The following NDST3 variants were observed in gnomAD, a reference collection of about 807,000 sequenced individuals.
The protein encoded by NDST3 is bifunctional heparan sulfate N-deacetylase/N-sulfotransferase 3.
Under a neutral mutation model 96.1 loss-of-function variants are expected in NDST3, and 58 were observed. That is an observed-to-expected ratio of 0.60 (90% CI 0.49 to 0.75). NDST3 has a LOEUF of 0.75. NDST3 is among the 30% of genes least tolerant of loss of function. NDST3 has a pLI of 0.00. For synonymous variants in NDST3, 333 were observed against 359.7 expected (o/e 0.93, Z 0.84); for missense variants, 788 against 1,034.2 (o/e 0.76, Z 3.27).
At chr4:118,049,208 G>A (rs535007967) in intron 1 of NDST3, among the ~76,000 whole-genome samples, 33 of 152,058 alleles carry the variant, frequency 2.2e-4, no homozygotes, top group African/African-American at 7.7e-4. Context: ...AAAATCTCTG[G>A]GATGCAGCTA....
At chr4:118,153,737 T>C (rs1374023877) in intron 6 of NDST3, among the ~76,000 whole-genome samples, 1 of 152,040 alleles carries the variant, frequency 6.6e-6, no homozygotes, top group Non-Finnish European at 1.5e-5. Flanking sequence ...GGCAGGAGAA[T>C]TGCTTGAACC....
At chr4:118,079,998 C>T (rs1308896801) in intron 2 of NDST3, among the ~76,000 whole-genome samples, 1 of 152,168 alleles carries the variant, frequency 6.6e-6, no homozygotes, top group Non-Finnish European at 1.5e-5. Flanking sequence ...AGAGACTGTA[C>T]TGCAGTAGTT....
chr4:118,175,671 C>T (rs1201656160), intron 6 of NDST3, among the ~76,000 whole-genome samples: 1 of 152,072 alleles, frequency 6.6e-6, no homozygotes, highest in East Asian at 1.9e-4. Flanking sequence ...GAAGCTAAAC[C>T]ATATCCTTGT....
rs571085718 is a variant in NDST3, at chr4:118,114,104, C to T, written c.1070-702C>T. 4.6e-5 allele frequency among the ~76,000 whole-genome samples: 7 copies of T among 151,850 alleles called. No homozygotes were observed. The South Asian group carries it at 6.3e-4, about 14-fold the overall frequency. ...CTGACCCTTAAGGAAAAAAGAGTTTCGTGATGCAAAATCTTCTTCCAACAA... is the reference window on the plus strand; with the variant it reads ...CTGACCCTTAAGGAAAAAAGAGTTTTGTGATGCAAAATCTTCTTCCAACAA... On this transcript the variant is annotated intron_variant, in intron 3 of 13. Coordinates refer to ENST00000296499, the MANE Select transcript of NDST3 (RefSeq NM_004784.3).
intron 1 of NDST3, among the ~76,000 whole-genome samples, chr4:118,039,374 G>C (rs1254453285): frequency 6.6e-6 from 1 of 152,134 alleles, no homozygotes; most frequent in African/African-American, 2.4e-5. Flanking sequence ...TAGTTTGTGA[G>C]TGCCAGCTGC....
intron 2 of NDST3, among the ~76,000 whole-genome samples, chr4:118,070,148 T>C (rs1726928959): frequency 6.6e-6 from 1 of 152,116 alleles, no homozygotes; most frequent in Non-Finnish European, 1.5e-5. Flanking sequence ...TCTTTATCTC[T>C]GGGTTTGTTT....
intron 4 of NDST3, among the ~76,000 whole-genome samples, chr4:118,133,633 G>A (rs6851494): frequency 6.6e-6 from 1 of 152,034 alleles, no homozygotes; most frequent in East Asian, 1.9e-4. Context: ...AAATGGTATA[G>A]GGTTCTATTC....
intron 2 of NDST3, among the ~76,000 whole-genome samples, chr4:118,089,214 C>T (rs997728926): frequency 2.6e-5 from 4 of 151,664 alleles, no homozygotes; most frequent in Non-Finnish European, 5.9e-5. Flanking sequence ...TTTTTAAATC[C>T]TCTCTTCCTT....
intron 6 of NDST3, among the ~76,000 whole-genome samples, chr4:118,223,820 T>C (rs1485005432): frequency 6.6e-6 from 1 of 152,116 alleles, no homozygotes; most frequent in Non-Finnish European, 1.5e-5. Flanking sequence ...ATCTTTTTTA[T>C]AGCAGCATAA....
At chr4:118,114,505 C>T (rs1272804363) in intron 3 of NDST3, among the ~76,000 whole-genome samples, 4 of 152,134 alleles carry the variant, frequency 2.6e-5, no homozygotes, top group Admixed American at 2.6e-4. Flanking sequence ...CTATAAACTG[C>T]ACAAAAATGC....
intron 2 of NDST3, among the ~76,000 whole-genome samples, chr4:118,061,728 C>G (rs1725910611): frequency 6.6e-6 from 1 of 152,006 alleles, no homozygotes. Flanking sequence ...GTGCCTGGCT[C>G]AGTATATATT....
chr4:118,086,277 T>A (rs939155595), intron 2 of NDST3, among the ~76,000 whole-genome samples: 2 of 152,182 alleles, frequency 1.3e-5, no homozygotes, highest in African/African-American at 4.8e-5. Context: ...TTTTGGAAAT[T>A]TTTCTTTGCA....
At chr4:118,153,446 A>G (rs893612423) in intron 6 of NDST3, among the ~76,000 whole-genome samples, 8 of 152,244 alleles carry the variant, frequency 5.3e-5, no homozygotes, top group Non-Finnish European at 1.0e-4. Flanking sequence ...AAAATAAATT[A>G]TGTTCACCCT....
chr4:118,068,010 A>G (rs1323552424), intron 2 of NDST3, among the ~76,000 whole-genome samples: 5 of 152,072 alleles, frequency 3.3e-5, no homozygotes, highest in Admixed American at 3.3e-4. Context: ...AAAGTCTATG[A>G]GAGTAATTAA....
Position 118,054,374 on chromosome 4 carries a change from T to C in NDST3, c.464T>C (p.Val155Ala). 1.9e-6 allele frequency: 3 copies of C among 1,612,946 alleles called. No individual in the cohort carries two copies. The highest frequency in any genetic ancestry group is 2.5e-6 in the Non-Finnish European group (3 of 1,179,344). ...WNRSLLDKYC[V>A]EYGVGVIGFH... ...CGAAGCCTTCTAGATAAATACTGTG[T>C]AGAATATGGTGTGGGTGTCATTGGA... Residue 155 changes from valine to alanine, a missense_variant, in exon 2 of 14, where the codon GTA becomes GCA. Physicochemically the swap from Val to Ala is moderately conservative, Grantham distance 64. Transcript: ENST00000296499.
intron 1 of NDST3, 145 bp downstream of exon 1, chr4:118,034,737 T>C (rs1724048494): frequency 6.6e-6 from 1 of 152,232 alleles, no homozygotes; most frequent in South Asian, 2.1e-4. Context: ...AGAAGAAATA[T>C]AGAGTATTTT....
chr4:118,126,175 T>A (rs144973337), intron 4 of NDST3, among the ~76,000 whole-genome samples: 14 of 152,204 alleles, frequency 9.2e-5, no homozygotes, highest in African/African-American at 3.4e-4. Context: ...ATTTTGACTA[T>A]AATCATCCTG....
intron 6 of NDST3, among the ~76,000 whole-genome samples, chr4:118,207,368 T>A (rs1738502903): frequency 6.9e-6 from 1 of 144,822 alleles, no homozygotes; most frequent in Non-Finnish European, 1.5e-5. Context: ...AAGCCTAGTA[T>A]TGAATAGTAT....
chr4:118,181,531 C>G (rs1736610931), intron 6 of NDST3, among the ~76,000 whole-genome samples: 1 of 152,144 alleles, frequency 6.6e-6, no homozygotes, highest in South Asian at 2.1e-4. Context: ...AACTGAGAAG[C>G]TCCCATGGGA....
Sources: allele counts gnomAD v4.1 joint callset (sites outside exome capture counted in the v4.1 genomes callset), GRCh38; gene constraint gnomAD v4.1.1; transcripts MANE v1.5; gene names NCBI Gene and HGNC (gene_info 2026-07-23, HGNC 2026-07-21).